AP3D1: variants seen among roughly 807,000 people sequenced by gnomAD.
AP3D1 encodes the protein AP-3 complex subunit delta-1.
In AP3D1, 51 loss-of-function variants were observed where a neutral mutation model predicts 147.6. The ratio of observed to expected loss-of-function variants is 0.35; its 90% CI spans 0.28 to 0.44. The LOEUF is 0.44. Ranked by LOEUF, AP3D1 falls within the 20% of genes least tolerant of loss-of-function variation. The pLI, the probability that AP3D1 is intolerant of heterozygous loss-of-function variation, is 1.00. For synonymous variants in AP3D1, 760 were observed against 663.0 expected, an observed-to-expected ratio of 1.15 and a Z score of -2.25; for missense variants, 1,421 against 1,624.2, an observed-to-expected ratio of 0.87 and a Z score of 2.15.
At chr19:2,146,300 T>G (rs1199552677) in intron 1 of AP3D1, among the ~76,000 whole-genome samples, 1 of 152,130 alleles carries the variant, frequency 6.6e-6, no homozygotes, top group African/African-American at 2.4e-5. Context: ...TCAGGATCAT[T>G]ACCATAATAA....
Position 2,114,312 on chromosome 19 carries a change from G to A in AP3D1, c.2424-10C>T. On this transcript the variant is annotated splice_polypyrimidine_tract_variant and intron_variant, in intron 21 of 31. Coordinates refer to ENST00000643116, the MANE Select transcript of AP3D1 (RefSeq NM_001261826.3). ...GCTGTCGGCTAAGGGCCTGGAGGAG[G>A]AATGACCGGGCCACACATCAGCACC... 6.2e-7 allele frequency: 1 copy of A among 1,607,490 alleles called. No individual in the cohort carries two copies. The highest frequency in any genetic ancestry group is 8.5e-7 in the Non-Finnish European group (1 of 1,176,676).
intron 1 of AP3D1, among the ~76,000 whole-genome samples, chr19:2,139,974 G>A (rs1451528321): frequency 6.6e-6 from 1 of 152,026 alleles, no homozygotes; most frequent in African/African-American, 2.4e-5. Flanking sequence ...GTGGGGGGGT[G>A]GGGGAGGGCA....
chr19:2,137,272 T>C (rs1232390836), intron 3 of AP3D1, among the ~76,000 whole-genome samples, 181 bp from the exon 4 acceptor site: 1 of 151,584 alleles, frequency 6.6e-6, no homozygotes, highest in Non-Finnish European at 1.5e-5. Context: ...GCAGATTTCT[T>C]CAAAATTCCA....
chr19:2,119,489 C>A (rs892233658), intron 14 of AP3D1, among the ~76,000 whole-genome samples: 20 of 151,642 alleles, frequency 1.3e-4, no homozygotes, highest in Admixed American at 1.1e-3. Flanking sequence ...GTCAACAGAT[C>A]GAGACCATCC....
chr19:2,116,531 G>T, intron 17 of AP3D1, 74 bp downstream of exon 17: 1 of 1,465,896 alleles, frequency 6.8e-7, no homozygotes, highest in Non-Finnish European at 9.0e-7. Flanking sequence ...CACAGAGGCC[G>T]CTGACCTGCC....
chr19:2,117,477 G>A, intron 15 of AP3D1, 110 bp from the exon 16 acceptor site: 2 of 1,217,402 alleles, frequency 1.6e-6, no homozygotes, highest in Admixed American at 3.0e-5. Context: ...GGGCCCCCTG[G>A]TACAGCCACA....
intron 14 of AP3D1, among the ~76,000 whole-genome samples, chr19:2,120,389 C>T (rs1000028430): frequency 6.6e-6 from 1 of 152,164 alleles, no homozygotes; most frequent in South Asian, 2.1e-4. Flanking sequence ...GACCCCTGTG[C>T]CTCCAGAGGG....
chr19:2,118,634 A>G lies in AP3D1; in HGVS notation c.1680T>C (p.Phe560=), dbSNP rs765522039. The G allele has an allele frequency of 1.2e-6, 2 of 1,611,964 alleles. No homozygotes were observed. Among genetic ancestry groups the G allele is most frequent in the South Asian group, 2.2e-5 (2 of 91,082 alleles). ...GCACCTCCAGGTCTGCGCTCTGCAC[A>G]AACTGGGGCAGCCGGTCCACCATGA... ...TQLMVDRLPQ[F]VQSADLEVQE... Residue 560 remains phenylalanine, a synonymous_variant, in exon 15 of 32, where the codon TTT becomes TTC. Transcript: ENST00000643116.
intron 4 of AP3D1, among the ~76,000 whole-genome samples, chr19:2,133,774 T>C (rs960521412): frequency 6.6e-6 from 1 of 150,478 alleles, no homozygotes; most frequent in Non-Finnish European, 1.5e-5. Flanking sequence ...AGTGCTGGGA[T>C]TACAGGCGTG....
intron 4 of AP3D1, among the ~76,000 whole-genome samples, chr19:2,134,411 ACCCT>A (rs2019025354): frequency 6.8e-6 from 1 of 147,856 alleles, no homozygotes; most frequent in Non-Finnish European, 1.5e-5. Context: ...ACAGAGCAAA[ACCCT>A]GTCTCAAAAA....
chr19:2,144,495 C>CCAGA (rs2019306455), intron 1 of AP3D1, among the ~76,000 whole-genome samples: 1 of 152,182 alleles, frequency 6.6e-6, no homozygotes, highest in Non-Finnish European at 1.5e-5. Context: ...CCATCCAGGA[C>CCAGA]CAGACCCCGG....
chr19:2,138,756 A>G (rs201811716), intron 1 of AP3D1, 42 bp from the exon 2 acceptor site: 18 of 1,401,492 alleles, frequency 1.3e-5, no homozygotes, highest in Non-Finnish European at 1.7e-5. Context: ...ACATCCAGCT[A>G]AGAGGGCTGG....
At chr19:2,159,529 C>T (rs2144604625) in intron 1 of AP3D1, among the ~76,000 whole-genome samples, 1 of 151,172 alleles carries the variant, frequency 6.6e-6, no homozygotes, top group East Asian at 2.0e-4. Context: ...GCTGGGACTA[C>T]AGGTGCCCGC....
At chr19:2,153,265 T>C (rs2019603828), upstream of AP3D1, among the ~76,000 whole-genome samples, 1 of 151,046 alleles carries the variant, frequency 6.6e-6, no homozygotes, top group Non-Finnish European at 1.5e-5. Context: ...TTCCAGCCAC[T>C]TGGGAGACTG....
At chr19:2,133,971 G>A (rs748642308) in intron 4 of AP3D1, among the ~76,000 whole-genome samples, 5 of 151,906 alleles carry the variant, frequency 3.3e-5, no homozygotes, top group Non-Finnish European at 2.9e-5. Flanking sequence ...AGTCGGACAC[G>A]GTGGTGCACA....
Position 2,116,227 on chromosome 19 carries a change from T to C in AP3D1, c.2053A>G (p.Ser685Gly). ...CTCACCTTCTGTGGCGATGGCGAGC[T>C]CTTGATGTAGAAGGGGTTGTTGGCC... is the stretch of plus-strand genomic sequence containing the variant. ...EQANNPFYIKSSPSPQKRYQD... is the reference protein window; with the variant it reads ...EQANNPFYIKGSPSPQKRYQD... Residue 685 changes from serine (S) to glycine (G), a missense_variant, in exon 18 of 32, where the codon AGC (serine) becomes GGC (glycine). Ser to Gly is a moderately conservative substitution (Grantham distance 56, BLOSUM62 0). Around this residue, in one of 6 missense-constraint regions of AP3D1, gnomAD observed 791 missense variants for 761.4 expected, o/e 1.04. Coordinates refer to ENST00000643116, the MANE Select transcript of AP3D1 (RefSeq NM_001261826.3). 1 of 1,614,064 alleles carries C rather than the reference T, an allele frequency of 6.2e-7. No homozygotes were observed. Among genetic ancestry groups the C allele is most frequent in the Non-Finnish European group, 8.5e-7 (1 of 1,179,980 alleles).
upstream of AP3D1, chr19:2,164,570 C>A: frequency 8.3e-6 from 2 of 240,042 alleles, no homozygotes; most frequent in Non-Finnish European, 1.6e-5. Context: ...TCGTGCCGGC[C>A]GCGTTTTGAC....
chr19:2,136,958 G>C, intron 4 of AP3D1, 53 bp downstream of exon 4: 1 of 1,507,944 alleles, frequency 6.6e-7, no homozygotes, highest in East Asian at 2.5e-5. Flanking sequence ...CAGACGCTCC[G>C]GCAAGGGCAG....
chr19:2,102,777 AAAT>A (rs869208471), intron 31 of AP3D1, among the ~76,000 whole-genome samples: 248 of 118,600 alleles, frequency 2.1e-3, no homozygotes, highest in Admixed American at 4.5e-3. Context: ...ATAAATAAAT[AAAT>A]AAAATAAAAA....
Sources: allele counts gnomAD v4.1 joint callset (sites outside exome capture counted in the v4.1 genomes callset), GRCh38; gene constraint gnomAD v4.1.1; regional missense constraint gnomAD v4.1.1; transcripts MANE v1.5; gene names NCBI Gene and HGNC (gene_info 2026-07-23, HGNC 2026-07-21).